Variants in MCMDC2 observed in about 807,000 individuals in gnomAD.
The protein encoded by MCMDC2 is minichromosome maintenance domain containing 2.
Under a neutral mutation model 75.8 loss-of-function variants are expected in MCMDC2, and 54 were observed. That is an observed-to-expected ratio of 0.71 (90% CI 0.57 to 0.89). The LOEUF is 0.89. Among genes scored for constraint, MCMDC2 ranks in the 40% least tolerant of loss-of-function variants. The pLI is 0.00. For synonymous variants in MCMDC2, 249 were observed against 274.6 expected (o/e 0.91, Z 0.92); for missense variants, 656 against 780.4 (o/e 0.84, Z 1.90).
Position 66,913,295 on chromosome 8 carries a change from T to A in MCMDC2, c.1880-5708T>A, listed in dbSNP as rs554625609. 3.3e-5 allele frequency among the ~76,000 whole-genome samples: 5 copies of A among 152,348 alleles called. No homozygotes were observed. The East Asian group carries it at 9.6e-4, about 29-fold the overall frequency. ...CAATATAGGGTAAATATAACTTTTATGTACATTGGGAAAACAAATAATTGA... is the reference window on the plus strand; with the variant it reads ...CAATATAGGGTAAATATAACTTTTAAGTACATTGGGAAAACAAATAATTGA... On this transcript the variant is annotated intron_variant, in intron 14 of 14. Coordinates refer to ENST00000422365, the MANE Select transcript of MCMDC2 (RefSeq NM_173518.5).
chr8:66,896,253 C>A lies in MCMDC2; in HGVS notation c.1363C>A (p.Gln455Lys), dbSNP rs751075073. 6 of 1,612,040 alleles carry A rather than the reference C, an allele frequency of 3.7e-6. No individual in the cohort carries two copies. Among genetic ancestry groups the A allele is most frequent in the Non-Finnish European group, 5.1e-6 (6 of 1,179,630 alleles). ...DIDQQMTFPVQCSFWSFVDVD... is the reference protein window; with the variant it reads ...DIDQQMTFPVKCSFWSFVDVD... ...TGATCAACAGATGACTTTTCCAGTT[C>A]AGTGCAGTTTTTGGTCTTTTGTTGA... Residue 455 changes from glutamine to lysine, a missense_variant, in exon 11 of 15, where the codon CAG (glutamine) becomes AAG (lysine). Coordinates refer to ENST00000422365, the MANE Select transcript of MCMDC2 (RefSeq NM_173518.5).
At chr8:66,878,951 T>C in intron 7 of MCMDC2, 32 bp downstream of exon 7, 2 of 1,338,468 alleles carry the variant, frequency 1.5e-6, no homozygotes, top group Non-Finnish European at 1.1e-6. Flanking sequence ...TAAAAAAAAA[T>C]TGCTATAAAT....
chr8:66,913,685 G>T (rs1813196855), intron 14 of MCMDC2, among the ~76,000 whole-genome samples: 1 of 152,118 alleles, frequency 6.6e-6, no homozygotes, highest in African/African-American at 2.4e-5. Flanking sequence ...GAACACATGG[G>T]CCGGGCGCAG....
At chr8:66,906,236 C>T (rs1035126500) in intron 14 of MCMDC2, among the ~76,000 whole-genome samples, 9 of 152,108 alleles carry the variant, frequency 5.9e-5, no homozygotes, top group Admixed American at 2.0e-4. Flanking sequence ...TTTTGATTAG[C>T]GATACCATTC....
chr8:66,877,842 A>G (rs1468147799), intron 5 of MCMDC2, among the ~76,000 whole-genome samples: 1 of 148,276 alleles, frequency 6.7e-6, no homozygotes, highest in East Asian at 2.0e-4. Context: ...TCCAGCCTGG[A>G]TGACAAAGAG....
At chr8:66,909,960 C>G (rs190280087) in intron 14 of MCMDC2, among the ~76,000 whole-genome samples, 58 of 152,298 alleles carry the variant, frequency 3.8e-4, no homozygotes, top group African/African-American at 1.3e-3. Context: ...TGTGAAGTAT[C>G]GGGACTTGGT....
intron 9 of MCMDC2, among the ~76,000 whole-genome samples, chr8:66,884,876 A>G (rs1254110301): frequency 6.6e-6 from 1 of 152,012 alleles, no homozygotes; most frequent in Non-Finnish European, 1.5e-5. Flanking sequence ...TCCTGGGCTC[A>G]AGTGATCCTC....
downstream of MCMDC2, among the ~76,000 whole-genome samples, chr8:66,924,493 G>C (rs559218276): frequency 6.6e-6 from 1 of 152,040 alleles, no homozygotes; most frequent in Non-Finnish European, 1.5e-5. Context: ...AAATTAGCCG[G>C]GCGTGGTGGC....
At chr8:66,911,872 A>G (rs759995315) in intron 14 of MCMDC2, among the ~76,000 whole-genome samples, 1 of 152,134 alleles carries the variant, frequency 6.6e-6, no homozygotes, top group Non-Finnish European at 1.5e-5. Flanking sequence ...CTCATTGACA[A>G]TGCACCTGGC....
At chr8:66,885,886 C>T (rs549960712) in intron 9 of MCMDC2, among the ~76,000 whole-genome samples, 14 of 152,308 alleles carry the variant, frequency 9.2e-5, no homozygotes, top group African/African-American at 1.7e-4. Context: ...TGGGTCTAGT[C>T]TCTCTTACTC....
chr8:66,895,759 A>T (rs1383902132), intron 10 of MCMDC2, among the ~76,000 whole-genome samples: 1 of 152,078 alleles, frequency 6.6e-6, no homozygotes, highest in African/African-American at 2.4e-5. Flanking sequence ...CCCCCCAGTC[A>T]TTGTAGTTCA....
In MCMDC2 at chr8:66,877,429, T is replaced by C. The variant is rs1811341379; in HGVS notation, c.366T>C (p.Tyr122=). 3 of 1,613,254 alleles carry C rather than the reference T, an allele frequency of 1.9e-6. No individual in the cohort carries two copies. Among genetic ancestry groups the C allele is most frequent in the Admixed American group, 1.7e-5 (1 of 59,884 alleles). Reference sequence around the variant, plus strand: ...ATCTTTGTGAGTTTCCACTTGATTATACATCTCAGAGATTTTATATGATGC... The same window carrying C: ...ATCTTTGTGAGTTTCCACTTGATTACACATCTCAGAGATTTTATATGATGC... The part of the protein sequence containing the change: ...GLDLCEFPLD[Y]TSQRFYMMQG... The change falls in exon 5 of 15, where the codon TAT becomes TAC. Residue 122 remains tyrosine (Y), a synonymous_variant. Coordinates refer to ENST00000422365, the MANE Select transcript of MCMDC2 (RefSeq NM_173518.5).
At chr8:66,882,749 C>CT (rs569738196) in intron 8 of MCMDC2, among the ~76,000 whole-genome samples, 29 of 152,156 alleles carry the variant, frequency 1.9e-4, no homozygotes, top group African/African-American at 7.0e-4. Context: ...CAAGTAGATT[C>CT]TAAATACTTC....
At chr8:66,884,769 T>G (rs2130809790) in intron 9 of MCMDC2, 1 of 152,010 alleles carries the variant, frequency 6.6e-6, no homozygotes, top group East Asian at 1.9e-4. Flanking sequence ...ATTATCAAAC[T>G]TATATTTTTG....
chr8:66,880,754 G>T, intron 7 of MCMDC2, 95 bp from the exon 8 acceptor site: 1 of 1,195,682 alleles, frequency 8.4e-7, no homozygotes, highest in Non-Finnish European at 1.1e-6. Flanking sequence ...CTCAACTACT[G>T]AATTGTTTTA....
intron 12 of MCMDC2, 127 bp from the exon 13 acceptor site, chr8:66,901,075 CCAGA>C (rs774910105): frequency 2.4e-5 from 16 of 662,862 alleles, no homozygotes; most frequent in Non-Finnish European, 3.6e-5. Flanking sequence ...CAAGATGGCC[CCAGA>C]CATTTACTCT....
chr8:66,909,341 G>A (rs552566752), intron 14 of MCMDC2, among the ~76,000 whole-genome samples: 2 of 152,280 alleles, frequency 1.3e-5, no homozygotes, highest in South Asian at 2.1e-4. Flanking sequence ...CAGAGAGTGC[G>A]GTGCTGCTAT....
chr8:66,913,478 T>G (rs1813190727), intron 14 of MCMDC2, among the ~76,000 whole-genome samples: 1 of 152,206 alleles, frequency 6.6e-6, no homozygotes, highest in Non-Finnish European at 1.5e-5. Flanking sequence ...TATAGTGTGT[T>G]ATATGTTCTC....
intron 14 of MCMDC2, among the ~76,000 whole-genome samples, chr8:66,915,737 A>C (rs1201141011): frequency 6.6e-6 from 1 of 152,110 alleles, no homozygotes; most frequent in African/African-American, 2.4e-5. Flanking sequence ...GGTGGTACTC[A>C]AAGCCAAGGA....
Sources: gnomAD v4.1 joint callset for allele counts (sites outside exome capture counted in the v4.1 genomes callset) on GRCh38, gnomAD v4.1.1 for gene constraint, MANE v1.5 for transcripts, NCBI Gene and HGNC (gene_info 2026-07-23, HGNC 2026-07-21) for gene names.